Variants in CHD6 observed in about 807,000 individuals in gnomAD.
CHD6 encodes ATP-dependent chromatin remodeler CHD6.
In CHD6, 50 loss-of-function variants were observed where a neutral mutation model predicts 276.9. That is an observed-to-expected ratio of 0.18 (90% CI 0.14 to 0.23). The LOEUF is 0.23. Ranked by LOEUF, CHD6 falls within the 10% of genes least tolerant of loss-of-function variation. The pLI is 1.00. For missense variants in CHD6, 2,564 were observed against 3,365.8 expected (o/e 0.76, Z 5.89); for synonymous variants, 1,173 against 1,229.3 (o/e 0.95, Z 0.96).
At chr20:41,496,430 A>C (rs979479557) in intron 8 of CHD6, among the ~76,000 whole-genome samples, 1 of 152,182 alleles carries the variant, frequency 6.6e-6, no homozygotes, top group Non-Finnish European at 1.5e-5. Context: ...TCAGGAGTCT[A>C]TCTCTGCGCA....
At chr20:41,597,625 G>A (rs576068404) in intron 1 of CHD6, among the ~76,000 whole-genome samples, 7 of 151,924 alleles carry the variant, frequency 4.6e-5, no homozygotes, top group East Asian at 3.9e-4. Flanking sequence ...CACCATACCC[G>A]GGTCAAAAAG....
chr20:41,430,979 G>A (rs6029679), intron 27 of CHD6, among the ~76,000 whole-genome samples: 22 of 151,340 alleles, frequency 1.5e-4, no homozygotes, highest in African/African-American at 2.2e-4. Flanking sequence ...GAGTACAGGC[G>A]CATGCCACCA....
In CHD6 at chr20:41,445,654, G is replaced by A; in HGVS notation, c.3877+11C>T. 5.0e-6 allele frequency: 8 copies of A among 1,594,910 alleles called. No individual in the cohort carries two copies. Among genetic ancestry groups the A allele is most frequent in the Non-Finnish European group, 6.9e-6 (8 of 1,162,652 alleles). On this transcript the variant is annotated intron_variant, in intron 25 of 36. Coordinates refer to ENST00000373233, the MANE Select transcript of CHD6 (RefSeq NM_032221.5). ...TGATACAGAAGGGAACGCCTTCAGA[G>A]AAATACACACCATGCTTGAACACGC...
rs2048358439 is a variant in CHD6, at chr20:41,455,712, G to C, written c.3009+88C>G. The C allele has an allele frequency of 3.5e-6, 3 of 854,022 alleles. 1 individual carries two copies. Among genetic ancestry groups the C allele is most frequent in the South Asian group, 5.2e-5 (2 of 38,338 alleles). The allele number at this position is 854,022 out of a possible 1,614,324, so 52.9% of individuals were successfully genotyped here. A position where few individuals can be genotyped will look rare whatever the true frequency, so the allele number is the denominator to read the frequency against. ...CCAATTTCTAGGATTTGCATTCAGA[G>C]AAACAGAAGCCCTGCTAATGGGTTT... On this transcript the variant is annotated intron_variant, in intron 19 of 36. Transcript: ENST00000373233.
intron 20 of CHD6, among the ~76,000 whole-genome samples, chr20:41,453,339 G>A (rs745973975): frequency 3.9e-5 from 6 of 152,198 alleles, no homozygotes; most frequent in Non-Finnish European, 8.8e-5. Flanking sequence ...GACAAGACAA[G>A]CTAGAGAATT....
chr20:41,520,100 G>A (rs547343958), intron 3 of CHD6, among the ~76,000 whole-genome samples: 8 of 152,292 alleles, frequency 5.3e-5, no homozygotes, highest in South Asian at 2.1e-4. Flanking sequence ...TGAGAGAAAC[G>A]CAAATCAAAA....
chr20:41,457,448 T>C lies in CHD6; in HGVS notation c.2665-20A>G. 1.9e-6 allele frequency: 3 copies of C among 1,601,620 alleles called. No homozygotes were observed. Among genetic ancestry groups the C allele is most frequent in the South Asian group, 2.2e-5 (2 of 90,558 alleles). On this transcript the variant is annotated intron_variant, in intron 17 of 36. Coordinates refer to ENST00000373233, the MANE Select transcript of CHD6 (RefSeq NM_032221.5). ...CTGAGCCTGGGAAGAAGAAGAGTCA[T>C]ATGCATCACGTCACCGTATGTATAA...
chr20:41,489,956 G>C lies in CHD6; in HGVS notation c.1502C>G (p.Ser501Ter), dbSNP rs2043508715. 6.2e-7 allele frequency: 1 copy of C among 1,613,932 alleles called. No homozygotes were observed. The highest frequency in any genetic ancestry group is 8.5e-7 in the Non-Finnish European group (1 of 1,179,950). The change falls in exon 12 of 37, where the codon TCA becomes TGA. Residue 501 changes from serine to a stop codon, truncating the protein, a stop_gained. Transcript: ENST00000373233. LOFTEE classifies it high-confidence loss of function. Reference protein sequence around the residue: ...GKTIQSITFLSEIFLRGIHGP... With the variant: ...GKTIQSITFL ...GTGGATTCCTCTCAGAAATATTTCTGAAAGGAATGTGATGGACTGGATGGT... is the reference window on the plus strand; with the variant it reads ...GTGGATTCCTCTCAGAAATATTTCTCAAAGGAATGTGATGGACTGGATGGT...
chr20:41,576,881 T>G (rs2045479920), intron 1 of CHD6, among the ~76,000 whole-genome samples: 1 of 152,202 alleles, frequency 6.6e-6, no homozygotes, highest in Non-Finnish European at 1.5e-5. Flanking sequence ...ATTAACCTCT[T>G]ATCAGACCAA....
intron 3 of CHD6, among the ~76,000 whole-genome samples, chr20:41,516,660 T>C (rs1464330968): frequency 6.6e-6 from 1 of 152,098 alleles, no homozygotes; most frequent in African/African-American, 2.4e-5. Context: ...TAGTAAAAGA[T>C]AGCTGGCTCT....
At chr20:41,416,058 C>G (rs912430786) in intron 33 of CHD6, among the ~76,000 whole-genome samples, 1 of 152,174 alleles carries the variant, frequency 6.6e-6, no homozygotes, top group African/African-American at 2.4e-5. Flanking sequence ...TTCCAATGTG[C>G]AGTTGAGCAT....
intron 17 of CHD6, among the ~76,000 whole-genome samples, chr20:41,465,903 A>G (rs2042908209): frequency 6.6e-6 from 1 of 152,238 alleles, no homozygotes; most frequent in South Asian, 2.1e-4. Flanking sequence ...AAAGGTAACC[A>G]TTTAAAAACA....
rs901536613 is a variant in CHD6 at position 41,422,191 on chromosome 20, T to C, written c.4556-112A>G. ...AGTTTAGCTCCCTGGCTCCTCAGCA[T>C]GGCAGTTTCAGGTGTGTGAGCCCTT... On this transcript the variant is annotated intron_variant, in intron 30 of 36. Transcript: ENST00000373233. The C allele has an allele frequency of 6.0e-5, 68 of 1,133,140 alleles. 1 individual carries two copies. The highest frequency in any genetic ancestry group is 4.5e-5 in the Non-Finnish European group (37 of 813,416). 70.2% of individuals were successfully genotyped at this position (1,133,140 alleles called of 1,614,324 possible). A position where few individuals can be genotyped will look rare whatever the true frequency, so the allele number is the denominator to read the frequency against.
At chr20:41,435,688 C>T (rs1229504651) in intron 27 of CHD6, among the ~76,000 whole-genome samples, 1 of 151,780 alleles carries the variant, frequency 6.6e-6, no homozygotes, top group African/African-American at 2.4e-5. Flanking sequence ...GTCAATTCTC[C>T]CCAAAGAGAT....
chr20:41,462,668 A>G (rs889843125), intron 17 of CHD6, among the ~76,000 whole-genome samples: 2 of 152,268 alleles, frequency 1.3e-5, no homozygotes, highest in Non-Finnish European at 2.9e-5. Context: ...ACTCATGGTT[A>G]GGTGTACATG....
chr20:41,440,062 G>T lies in CHD6; in HGVS notation c.3945C>A (p.Pro1315=). The change falls in exon 26 of 37, where the codon CCC becomes CCA. Residue 1315 remains proline (P), a synonymous_variant. Coordinates refer to ENST00000373233, the MANE Select transcript of CHD6 (RefSeq NM_032221.5). Reference sequence around the variant, plus strand: ...GTTCTGCAGAAAGGGACTTCTCATCGGGCATCCCAACTTTCTCCAGGAAGC... The same window carrying T: ...GTTCTGCAGAAAGGGACTTCTCATCTGGCATCCCAACTTTCTCCAGGAAGC... ...ALCFLEKVGM[P]DEKSLSAEQG... 6.2e-7 allele frequency: 1 copy of T among 1,613,810 alleles called. No individual in the cohort carries two copies. The highest frequency in any genetic ancestry group is 1.1e-5 in the South Asian group (1 of 91,060).
At chr20:41,527,731 C>G (rs769432368) in intron 3 of CHD6, among the ~76,000 whole-genome samples, 3 of 152,196 alleles carry the variant, frequency 2.0e-5, no homozygotes, top group Non-Finnish European at 2.9e-5. Context: ...CATAACAGTT[C>G]TTGCTATAAT....
At position 41,421,829 on chromosome 20, in the gene CHD6, G is replaced by T; in HGVS notation, c.4806C>A (p.Asn1602Lys). ...GLNRTDCYIMNDPQLSFLDAY... is the reference protein window; with the variant it reads ...GLNRTDCYIMKDPQLSFLDAY... ...CATCCAGGAAGGACAGCTGGGGGTC[G>T]TTCATGATGTAACAGTCAGTGCGGT... is the stretch of plus-strand genomic sequence containing the variant. Residue 1602 changes from asparagine to lysine, a missense_variant, in exon 31 of 37, where the codon AAC (asparagine) becomes AAA (lysine). Physicochemically the swap from Asn to Lys is moderately conservative, Grantham distance 94 (BLOSUM62 0). Transcript: ENST00000373233. 1 of 1,614,144 alleles carries T rather than the reference G, an allele frequency of 6.2e-7. No homozygotes were observed.
chr20:41,415,147 A>G (rs1348326722), intron 34 of CHD6, 39 bp downstream of exon 34: 1 of 1,565,490 alleles, frequency 6.4e-7, no homozygotes, highest in Admixed American at 1.8e-5. Flanking sequence ...CTCAGTGTAG[A>G]AAGGTAAATG....
Sources: gnomAD v4.1 joint callset for allele counts (sites outside exome capture counted in the v4.1 genomes callset) on GRCh38, gnomAD v4.1.1 for gene constraint, MANE v1.5 for transcripts, NCBI Gene and HGNC (gene_info 2026-07-23, HGNC 2026-07-21) for gene names.